APLF: variants seen among roughly 807,000 people sequenced by gnomAD.
APLF encodes aprataxin and PNKP like factor.
APLF carries 61 observed loss-of-function variants against 55.6 expected under a neutral mutation model. The observed-to-expected ratio is 1.10, with a 90% CI of 0.89 to 1.36. The LOEUF (loss-of-function observed/expected upper bound fraction) is 1.36, where lower values mean the gene tolerates loss of function less well. APLF is among the 40% of genes most tolerant of loss of function. APLF has a pLI of 0.00. For missense variants in APLF, 611 were observed against 602.5 expected (o/e 1.01, Z -0.15); for synonymous variants, 207 against 214.8 (o/e 0.96, Z 0.32).
At chr2:68,518,321 A>T (rs1475651171) in intron 5 of APLF, among the ~76,000 whole-genome samples, 1 of 113,162 alleles carries the variant, frequency 8.8e-6, no homozygotes, top group Non-Finnish European at 1.6e-5. Context: ...ATTTAATAAT[A>T]TATAATATAT....
chr2:68,470,825 A>C (rs1399734197), intron 1 of APLF, among the ~76,000 whole-genome samples: 1 of 152,196 alleles, frequency 6.6e-6, no homozygotes, highest in Non-Finnish European at 1.5e-5. Context: ...AAGAGTCCTC[A>C]GTTGGGGGAA....
intron 2 of APLF, among the ~76,000 whole-genome samples, chr2:68,494,170 G>A (rs970912400): frequency 6.6e-6 from 1 of 150,872 alleles, no homozygotes; most frequent in African/African-American, 2.4e-5. Flanking sequence ...CAGTTACTCG[G>A]GAGGCTGAGG....
intron 5 of APLF, among the ~76,000 whole-genome samples, chr2:68,519,715 G>T (rs1336359592): frequency 2.7e-5 from 4 of 150,366 alleles, no homozygotes; most frequent in African/African-American, 7.3e-5. Context: ...TCTACTCATT[G>T]ACTGATGGGC....
At chr2:68,567,198 A>C in intron 8 of APLF, 143 bp from the exon 9 acceptor site, 1 of 647,382 alleles carries the variant, frequency 1.5e-6, no homozygotes, top group Admixed American at 3.4e-5. Context: ...AAATATTGTA[A>C]TTAAACAACA....
chr2:68,474,444 A>C (rs1174905461), intron 1 of APLF, among the ~76,000 whole-genome samples: 1 of 152,190 alleles, frequency 6.6e-6, no homozygotes, highest in Non-Finnish European at 1.5e-5. Flanking sequence ...ACTCATTAGC[A>C]TACAAAAAGA....
At chr2:68,539,110 CAT>C (rs1347896487) in intron 7 of APLF, among the ~76,000 whole-genome samples, 2 of 152,138 alleles carry the variant, frequency 1.3e-5, no homozygotes, top group Non-Finnish European at 2.9e-5. Context: ...TTGAATAACT[CAT>C]ATTTTAAAAT....
chr2:68,498,821 A>G (rs1676634892), intron 2 of APLF, among the ~76,000 whole-genome samples: 2 of 152,224 alleles, frequency 1.3e-5, no homozygotes, highest in Non-Finnish European at 2.9e-5. Flanking sequence ...TTGAGGCAGT[A>G]GCTCTATAAG....
chr2:68,520,161 G>C (rs1386006313), intron 5 of APLF, among the ~76,000 whole-genome samples: 2 of 151,674 alleles, frequency 1.3e-5, no homozygotes, highest in African/African-American at 4.8e-5. Context: ...TTTTTGATGG[G>C]ATTATTTGCT....
intron 3 of APLF, 68 bp downstream of exon 3, chr2:68,502,971 T>G (rs1676767397): frequency 6.6e-7 from 1 of 1,510,826 alleles, no homozygotes; most frequent in Non-Finnish European, 9.0e-7. Flanking sequence ...TCACAAATCC[T>G]TCGGTAGGAA....
At chr2:68,525,509 T>A (rs60756258) in intron 5 of APLF, among the ~76,000 whole-genome samples, 1 of 152,218 alleles carries the variant, frequency 6.6e-6, no homozygotes, top group African/African-American at 2.4e-5. Flanking sequence ...TTCCATGAAT[T>A]ATAATTCCCA....
At chr2:68,512,671 T>C (rs571031395) in intron 3 of APLF, among the ~76,000 whole-genome samples, 1 of 151,936 alleles carries the variant, frequency 6.6e-6, no homozygotes, top group South Asian at 2.1e-4. Flanking sequence ...ATGTGTCAAC[T>C]TAAACTCAGG....
Position 68,513,575 on chromosome 2 carries a change from A to C in APLF, c.517A>C (p.Asn173His), listed in dbSNP as rs763679726. Reference sequence around the variant, plus strand: ...TTTCCTAGGTGAAAATAGAGACTGCAATAAGCAGCAGCCAATCCTTGCCGA... The same window carrying C: ...TTTCCTAGGTGAAAATAGAGACTGCCATAAGCAGCAGCCAATCCTTGCCGA... Reference protein sequence around the residue: ...VSFLGENRDCNKQQPILAERK... With the variant: ...VSFLGENRDCHKQQPILAERK... Residue 173 changes from asparagine (N) to histidine (H), a missense_variant, in exon 5 of 10, where the codon AAT (asparagine) becomes CAT (histidine). Asn to His is a moderately conservative substitution (Grantham distance 68). Coordinates refer to ENST00000303795, the MANE Select transcript of APLF (RefSeq NM_173545.3). 1.2e-6 allele frequency: 2 copies of C among 1,611,468 alleles called. No homozygotes were observed. The highest frequency in any genetic ancestry group is 1.7e-6 in the Non-Finnish European group (2 of 1,178,242).
At chr2:68,551,599 T>TCTC (rs1211225084) in intron 8 of APLF, among the ~76,000 whole-genome samples, 1,829 of 144,736 alleles carry the variant, frequency 0.013, 38 homozygotes, top group African/African-American at 0.045. Context: ...TAATTCTTCT[T>TCTC]CTTCTTTTTT....
Position 68,536,721 on chromosome 2 carries a change from C to A in APLF, c.805-1151C>A, listed in dbSNP as rs187191118. On this transcript the variant is annotated intron_variant, in intron 6 of 9. Transcript: ENST00000303795. ...GGTTAAACTCAAAACTTTATTAAGA[C>A]AAATTTAAAGGAATCCTATCTTTTT... 1.2e-3 allele frequency among the ~76,000 whole-genome samples: 187 copies of A among 152,190 alleles called. 1 individual carries two copies. Among genetic ancestry groups the A allele is most frequent in the African/African-American group, 4.5e-3 (186 of 41,520 alleles).
intron 1 of APLF, among the ~76,000 whole-genome samples, chr2:68,489,763 C>G (rs982109311): frequency 6.6e-6 from 1 of 152,174 alleles, no homozygotes; most frequent in African/African-American, 2.4e-5. Flanking sequence ...ACCAGATCCT[C>G]GAGCATGGGA....
At chr2:68,508,068 G>A (rs1676926329) in intron 3 of APLF, among the ~76,000 whole-genome samples, 1 of 151,612 alleles carries the variant, frequency 6.6e-6, no homozygotes. Flanking sequence ...ATTCATAATA[G>A]TAGCATATTT....
intron 3 of APLF, among the ~76,000 whole-genome samples, chr2:68,507,978 G>GA (rs1676921374): frequency 6.6e-6 from 1 of 151,638 alleles, no homozygotes; most frequent in Admixed American, 6.6e-5. Flanking sequence ...AAATGGTGAT[G>GA]AAAATGTCAT....
chr2:68,555,539 G>T (rs1466284123), intron 8 of APLF, among the ~76,000 whole-genome samples: 1 of 152,084 alleles, frequency 6.6e-6, no homozygotes, highest in Non-Finnish European at 1.5e-5. Context: ...TATATAAATG[G>T]CCAACAAACA....
chr2:68,567,299 G>A (rs1238948159), intron 8 of APLF, 42 bp from the exon 9 acceptor site: 2 of 1,549,470 alleles, frequency 1.3e-6, no homozygotes, highest in Admixed American at 1.7e-5. Flanking sequence ...TCAACTTTTA[G>A]TAATTGGAAG....
Sources: allele counts gnomAD v4.1 joint callset (sites outside exome capture counted in the v4.1 genomes callset), GRCh38; gene constraint gnomAD v4.1.1; transcripts MANE v1.5; gene names NCBI Gene and HGNC (gene_info 2026-07-23, HGNC 2026-07-21).